NCKAP5: variants seen among roughly 807,000 people sequenced by gnomAD.
NCKAP5 encodes the protein nck-associated protein 5.
NCKAP5 carries 92 observed loss-of-function variants against 167.0 expected under a neutral mutation model. The observed-to-expected ratio is 0.55, with a 90% CI of 0.47 to 0.66. The LOEUF is 0.66. NCKAP5 is among the 30% of genes least tolerant of loss of function. The pLI, the probability that NCKAP5 is intolerant of heterozygous loss-of-function variation, is 0.00. For synonymous variants in NCKAP5, 891 were observed against 877.4 expected, an observed-to-expected ratio of 1.02 and a Z score of -0.27; for missense variants, 2,378 against 2,315.0, an observed-to-expected ratio of 1.03 and a Z score of -0.56.
chr2:132,702,007 C>G (rs1687931706), intron 19 of NCKAP5, among the ~76,000 whole-genome samples: 1 of 152,134 alleles, frequency 6.6e-6, no homozygotes, highest in African/African-American at 2.4e-5. Context: ...CTCACAATGG[C>G]TATATCTGTC....
At chr2:133,004,825 C>T (rs140450490) in intron 6 of NCKAP5, among the ~76,000 whole-genome samples, 74 of 152,272 alleles carry the variant, frequency 4.9e-4, no homozygotes, top group Middle Eastern at 3.4e-3. Context: ...TATCTTCAAC[C>T]GCATAAGAGA....
At chr2:133,488,970 T>C (rs921725642) in intron 3 of NCKAP5, among the ~76,000 whole-genome samples, 3 of 151,964 alleles carry the variant, frequency 2.0e-5, no homozygotes, top group African/African-American at 7.3e-5. Flanking sequence ...ATGCCTGTGG[T>C]CCCAGCTACT....
chr2:132,877,368 A>G (rs1027078822), intron 9 of NCKAP5, among the ~76,000 whole-genome samples: 1 of 152,230 alleles, frequency 6.6e-6, no homozygotes, highest in African/African-American at 2.4e-5. Flanking sequence ...TAATTTTCTG[A>G]GGACATTTTG....
In NCKAP5 at chr2:133,524,061, G is replaced by T. The variant is rs72849405; in HGVS notation, c.-61-6474C>A. ...TGTCAAGCTTTGCCGCATGTTAGAT[G>T]GAGTCACCTGGGGAGTCATTAAGGC... On this transcript the variant is annotated intron_variant, in intron 2 of 19. Coordinates refer to ENST00000409261, the MANE Select transcript of NCKAP5 (RefSeq NM_207363.3). Among the ~76,000 whole-genome samples, 87 of 152,272 alleles carry T rather than the reference G, an allele frequency of 5.7e-4. 1 individual carries two copies. Among genetic ancestry groups the T allele is most frequent in the Admixed American group, 1.4e-3 (21 of 15,292 alleles).
intron 6 of NCKAP5, among the ~76,000 whole-genome samples, chr2:133,023,529 G>C (rs907648448): frequency 3.9e-5 from 6 of 152,090 alleles, no homozygotes; most frequent in African/African-American, 7.2e-5. Context: ...CTGAGATTTG[G>C]GGTATGAATC....
chr2:133,129,956 T>A (rs2082539590), intron 6 of NCKAP5, 22 bp downstream of exon 6: 1 of 1,575,068 alleles, frequency 6.3e-7, no homozygotes, highest in African/African-American at 1.4e-5. Flanking sequence ...CAGGAAGCAA[T>A]CTGCTCAGCT....
At chr2:133,184,616 C>T (rs2084867689) in intron 5 of NCKAP5, among the ~76,000 whole-genome samples, 1 of 152,008 alleles carries the variant, frequency 6.6e-6, no homozygotes, top group Non-Finnish European at 1.5e-5. Context: ...CTCAACAACC[C>T]CTCCAACATC....
chr2:132,743,826 G>C (rs1247760234), intron 16 of NCKAP5, among the ~76,000 whole-genome samples: 3 of 151,022 alleles, frequency 2.0e-5, no homozygotes, highest in African/African-American at 4.8e-5. Context: ...ATAAAAAACA[G>C]ATAGGTGAAA....
chr2:133,205,563 C>T (rs2085910960), intron 5 of NCKAP5, among the ~76,000 whole-genome samples: 1 of 152,102 alleles, frequency 6.6e-6, no homozygotes, highest in South Asian at 2.1e-4. Flanking sequence ...ACACCATATC[C>T]TTCCATTATC....
intron 9 of NCKAP5, among the ~76,000 whole-genome samples, chr2:132,877,764 G>A (rs927840785): frequency 6.6e-6 from 1 of 152,174 alleles, no homozygotes; most frequent in Non-Finnish European, 1.5e-5. Flanking sequence ...ACAGTGCATT[G>A]GAGGAGAGGG....
At position 133,090,787 on chromosome 2, in the gene NCKAP5, T is replaced by TG. The variant is rs760418297; in HGVS notation, c.341+39190dup. ...CATTCTCTGAACACGGTTGGAGACT[T>TG]GGCGGGGGAAATTACAGAATAGAGA... On this transcript the variant is annotated intron_variant, in intron 6 of 19. Transcript: ENST00000409261. Among the ~76,000 whole-genome samples the TG allele has an allele frequency of 7.2e-3, 926 of 128,052 alleles. 8 individuals carry two copies. Among genetic ancestry groups the TG allele is most frequent in the Admixed American group, 0.013 (164 of 13,080 alleles). 84.0% of individuals were successfully genotyped at this position (128,052 alleles called of 152,430 possible).
At chr2:133,539,399 A>T (rs1407171817) in intron 2 of NCKAP5, among the ~76,000 whole-genome samples, 1 of 152,212 alleles carries the variant, frequency 6.6e-6, no homozygotes, top group Non-Finnish European at 1.5e-5. Flanking sequence ...TGAAATTGAC[A>T]GTTTAAAGCA....
rs867657848 is a variant in NCKAP5, at chr2:132,784,947, C to G, written c.1864G>C (p.Gly622Arg). 1 of 1,607,804 alleles carries G rather than the reference C, an allele frequency of 6.2e-7. No homozygotes were observed. Among genetic ancestry groups the G allele is most frequent in the South Asian group, 1.1e-5 (1 of 89,946 alleles). ...KSVENLDVLV[G>R]FGKSLCGSPE... ...GACCCACATAGAGATTTTCCAAACC[C>G]CACAAGGACATCCAGGTTCTCCACG... Residue 622 changes from glycine (G) to arginine (R), a missense_variant, in exon 14 of 20, where the codon GGG becomes CGG. Around this residue, in one of 3 missense-constraint regions of NCKAP5, gnomAD observed 1,049 missense variants for 1,023.4 expected, o/e 1.02. Transcript: ENST00000409261.
At chr2:132,803,177 C>CT (rs1283806857) in intron 11 of NCKAP5, among the ~76,000 whole-genome samples, 65 of 152,278 alleles carry the variant, frequency 4.3e-4, no homozygotes, top group African/African-American at 1.5e-3. Flanking sequence ...GACAGTGTGC[C>CT]TTCCAAATGT....
At chr2:133,176,731 T>C (rs2084476949) in intron 5 of NCKAP5, among the ~76,000 whole-genome samples, 1 of 152,182 alleles carries the variant, frequency 6.6e-6, no homozygotes, top group African/African-American at 2.4e-5. Flanking sequence ...CATCTATATC[T>C]ATATGACAGT....
intron 6 of NCKAP5, chr2:133,118,153 T>C (rs1328521333): frequency 6.6e-6 from 1 of 152,210 alleles, no homozygotes; most frequent in East Asian, 1.9e-4. Context: ...ATAGCAAATA[T>C]TGGATCCTAA....
At chr2:133,504,279 A>T (rs1042774922) in intron 3 of NCKAP5, among the ~76,000 whole-genome samples, 3 of 149,186 alleles carry the variant, frequency 2.0e-5, no homozygotes, top group African/African-American at 7.6e-5. Context: ...ACACCAATAG[A>T]ATCTTCTTAA....
intron 19 of NCKAP5, among the ~76,000 whole-genome samples, chr2:132,681,568 G>C (rs998688700): frequency 6.6e-6 from 1 of 151,684 alleles, no homozygotes; most frequent in African/African-American, 2.4e-5. Flanking sequence ...GTTTGTAAAA[G>C]AAAAAAATAA....
At chr2:132,928,579 T>C (rs1696102336) in intron 8 of NCKAP5, among the ~76,000 whole-genome samples, 1 of 152,198 alleles carries the variant, frequency 6.6e-6, no homozygotes, top group South Asian at 2.1e-4. Flanking sequence ...AACAAGGCAG[T>C]CATGTTAACA....
Sources: gnomAD v4.1 joint callset for allele counts (sites outside exome capture counted in the v4.1 genomes callset) on GRCh38, gnomAD v4.1.1 for gene constraint, gnomAD v4.1.1 regional missense constraint, MANE v1.5 for transcripts, NCBI Gene and HGNC (gene_info 2026-07-23, HGNC 2026-07-21) for gene names.